The following NFIX variants were observed in gnomAD, a reference collection of about 807,000 sequenced individuals.
NFIX encodes the protein nuclear factor I X.
NFIX carries 2 observed loss-of-function variants against 53.3 expected under a neutral mutation model. The observed-to-expected ratio is 0.04, with a 90% confidence interval of 0.02 to 0.12. NFIX has a LOEUF of 0.12. NFIX is among the 10% of genes least tolerant of loss of function. NFIX has a pLI of 1.00. For synonymous variants in NFIX, 244 were observed against 289.0 expected (o/e 0.84, Z 1.58); for missense variants, 310 against 674.5 (o/e 0.46, Z 5.99).
rs887670343 is a variant in NFIX at position 13,043,838 on chromosome 19, C to T, written c.559+18286C>T. Among the ~76,000 whole-genome samples the T allele has an allele frequency of 2.0e-5, 3 of 152,056 alleles. No homozygotes were observed. Among genetic ancestry groups the T allele is most frequent in the African/African-American group, 7.2e-5 (3 of 41,402 alleles). ...TGCTTATTCATCTCGAAAACTGGGC[C>T]GTAGGGCCAGGTGTGGTGGCTCATA... On this transcript the variant is annotated intron_variant, in intron 2 of 10. Transcript: ENST00000592199. This position sits in a 1 kb window ranked among gnomAD's most constrained non-coding sequence, Gnocchi z 4.0.
At chr19:13,023,578 T>C (rs2013086364) in intron 1 of NFIX, among the ~76,000 whole-genome samples, 1 of 151,724 alleles carries the variant, frequency 6.6e-6, no homozygotes. Context: ...CGTTGTTGGT[T>C]GTGGGGAGAT....
At chr19:13,035,122 G>T (rs1405754496) in intron 2 of NFIX, among the ~76,000 whole-genome samples, 1 of 152,152 alleles carries the variant, frequency 6.6e-6, no homozygotes, top group Admixed American at 6.5e-5. Context: ...AGAACCTCTG[G>T]CCTGGAAGAA....
intron 5 of NFIX, among the ~76,000 whole-genome samples, chr19:13,075,068 T>TAAAAAAAAAAA (rs57860606): frequency 1.2e-4 from 9 of 73,694 alleles, no homozygotes; most frequent in Admixed American, 5.2e-4. Context: ...AGACTCCATC[T>TAAAAAAAAAAA]AAAAAAAAAA....
In NFIX at chr19:13,090,331, C is replaced by G. The variant is rs1226374676; in HGVS notation, c.1435C>G (p.Arg479Gly). The G allele has an allele frequency of 6.2e-7, 1 of 1,613,962 alleles. No homozygotes were observed. Among genetic ancestry groups the G allele is most frequent in the Admixed American group, 1.7e-5 (1 of 60,020 alleles). Residue 479 changes from arginine (R) to glycine (G), a missense_variant, in exon 10 of 11, where the codon CGG becomes GGG. Physicochemically the swap from Arg to Gly is moderately radical, Grantham distance 125 (BLOSUM62 -2). Transcript: ENST00000592199. This position sits in a 1 kb window ranked among gnomAD's most constrained non-coding sequence, Gnocchi z 6.6. ...FATTGASSAN[R>G]FVSIGPRDGN... ...AACGACAGGCGCCTCCTCTGCCAAC[C>G]GGTTTGTCAGCATCGGACCCCGGGA...
In NFIX at chr19:13,028,879, C is replaced by G. The variant is rs2013580018; in HGVS notation, c.559+3327C>G. ...ACTATCTCCAAAGTTTCTGCAGCAC[C>G]CTGAAGGTGAACCAGTGCCTTCAGA... On this transcript the variant is annotated intron_variant, in intron 2 of 10. Transcript: ENST00000592199. The surrounding 1 kb of genome is among the most constrained non-coding windows in gnomAD (Gnocchi z 4.2). 6.6e-6 allele frequency among the ~76,000 whole-genome samples: 1 copy of G among 152,068 alleles called. No individual in the cohort carries two copies. Among genetic ancestry groups the G allele is most frequent in the Non-Finnish European group, 1.5e-5 (1 of 68,008 alleles).
Position 13,072,924 on chromosome 19 carries a change from A to G in NFIX, c.560-123A>G. ...GCTGGTTTGGGGAGAGGGTGGGGTGAAGGTTTCTGTAGCCAGGGTGGGCCG... is the reference window on the plus strand; with the variant it reads ...GCTGGTTTGGGGAGAGGGTGGGGTGGAGGTTTCTGTAGCCAGGGTGGGCCG... On this transcript the variant is annotated intron_variant, in intron 2 of 10. Coordinates refer to ENST00000592199, the MANE Select transcript of NFIX (RefSeq NM_001365902.3). This position sits in a 1 kb window ranked among gnomAD's most constrained non-coding sequence, Gnocchi z 4.0. The G allele has an allele frequency of 1.1e-6, 1 of 925,362 alleles. No homozygotes were observed. Among genetic ancestry groups the G allele is most frequent in the South Asian group, 1.3e-5 (1 of 76,348 alleles). The allele number at this position is 925,362 out of a possible 1,614,324, so 57.3% of individuals were successfully genotyped here.
chr19:13,034,110 T>C (rs2014008950), intron 2 of NFIX, among the ~76,000 whole-genome samples: 1 of 152,220 alleles, frequency 6.6e-6, no homozygotes, highest in Non-Finnish European at 1.5e-5. Context: ...GCATCGCTGC[T>C]CCTTGAACTT....
chr19:13,089,318 G>A lies in NFIX; in HGVS notation c.1403-981G>A, dbSNP rs1248910795. On this transcript the variant is annotated intron_variant, in intron 9 of 10. Coordinates refer to ENST00000592199, the MANE Select transcript of NFIX (RefSeq NM_001365902.3). The surrounding 1 kb of genome is among the most constrained non-coding windows in gnomAD (Gnocchi z 4.8). ...GCGGCGGGCCTTCCAGGTAACCTGT[G>A]ACACTCCTTGCCTCCTCTGGGGGCA... 6.6e-6 allele frequency among the ~76,000 whole-genome samples: 1 copy of A among 152,180 alleles called. No homozygotes were observed. Among genetic ancestry groups the A allele is most frequent in the Non-Finnish European group, 1.5e-5 (1 of 68,024 alleles).
At position 13,052,869 on chromosome 19, in the gene NFIX, A is replaced by G. The variant is rs915490252; in HGVS notation, c.560-20178A>G. Among the ~76,000 whole-genome samples, 12 of 152,124 alleles carry G rather than the reference A, an allele frequency of 7.9e-5. No homozygotes were observed. Among genetic ancestry groups the G allele is most frequent in the Non-Finnish European group, 8.8e-5 (6 of 68,008 alleles). On this transcript the variant is annotated intron_variant, in intron 2 of 10. Coordinates refer to ENST00000592199, the MANE Select transcript of NFIX (RefSeq NM_001365902.3). This position sits in a 1 kb window ranked among gnomAD's most constrained non-coding sequence, Gnocchi z 5.2. Reference sequence around the variant, plus strand: ...TCTGTTCTGCCTGGCACTGCAGCCCAAGTCCCCAGGAGTCTGTGTCTTCCC... The same window carrying G: ...TCTGTTCTGCCTGGCACTGCAGCCCGAGTCCCCAGGAGTCTGTGTCTTCCC...
intron 5 of NFIX, among the ~76,000 whole-genome samples, 153 bp from the exon 6 acceptor site, chr19:13,075,382 G>A (rs371680952): frequency 8.5e-5 from 13 of 152,250 alleles, no homozygotes; most frequent in African/African-American, 3.1e-4. Context: ...CTTGGGGTTG[G>A]GCACGCAGTG....
rs1420367170 is a variant in NFIX, at chr19:13,096,861, G to A, written c.*2212G>A. On this transcript the variant is annotated 3_prime_UTR_variant, in exon 11 of 11. Coordinates refer to ENST00000592199, the MANE Select transcript of NFIX (RefSeq NM_001365902.3). The stretch of plus-strand genomic sequence containing the variant: ...GGAGCGTGCCCGGCGGGGCTGCCCG[G>A]GCGGGCAGGGGGTGGGGGCTGCTCC... 6.6e-6 allele frequency: 1 copy of A among 151,276 alleles called. No individual in the cohort carries two copies. Among genetic ancestry groups the A allele is most frequent in the African/African-American group, 2.4e-5 (1 of 41,250 alleles). 9.4% of individuals were successfully genotyped at this position (151,276 alleles called of 1,614,324 possible).
rs761183873 is a variant in NFIX at position 13,025,224 on chromosome 19, C to T, written c.231C>T (p.Ala77=). The T allele has an allele frequency of 5.6e-6, 9 of 1,614,072 alleles. No individual in the cohort carries two copies. In the Admixed American group the frequency reaches 1.3e-4, roughly 24 times the overall value. ...IKQKWASRLL[A]KLRKDIRPEF... Reference sequence around the variant, plus strand: ...AGAAGTGGGCATCCCGGCTGCTGGCCAAGCTGCGCAAGGACATCCGGCCCG... The same window carrying T: ...AGAAGTGGGCATCCCGGCTGCTGGCTAAGCTGCGCAAGGACATCCGGCCCG... Residue 77 remains alanine, a synonymous_variant, in exon 2 of 11, where the codon GCC becomes GCT. Coordinates refer to ENST00000592199, the MANE Select transcript of NFIX (RefSeq NM_001365902.3). This position sits in a 1 kb window ranked among gnomAD's most constrained non-coding sequence, Gnocchi z 7.5.
chr19:13,064,418 G>A (rs2016277124), intron 2 of NFIX, among the ~76,000 whole-genome samples: 1 of 152,210 alleles, frequency 6.6e-6, no homozygotes, highest in African/African-American at 2.4e-5. Flanking sequence ...CAGAGTCTAG[G>A]GGGACAAGCT....
intron 8 of NFIX, chr19:13,082,518 G>C (rs1443961657): frequency 6.6e-6 from 1 of 152,272 alleles, no homozygotes; most frequent in Non-Finnish European, 1.5e-5. Context: ...TTTAACAAAG[G>C]GTTCCCAGGA....
At position 13,094,687 on chromosome 19, in the gene NFIX, G is replaced by A; in HGVS notation, c.*38G>A. The A allele has an allele frequency of 6.5e-7, 1 of 1,533,362 alleles. No individual in the cohort carries two copies. Among genetic ancestry groups the A allele is most frequent in the Non-Finnish European group, 8.7e-7 (1 of 1,144,410 alleles). The allele number at this position is 1,533,362 out of a possible 1,614,324, so 95.0% of individuals were successfully genotyped here. A position where few individuals can be genotyped will look rare whatever the true frequency, so the allele number is the denominator to read the frequency against. On this transcript the variant is annotated 3_prime_UTR_variant, in exon 11 of 11. Coordinates refer to ENST00000592199, the MANE Select transcript of NFIX (RefSeq NM_001365902.3). The surrounding 1 kb of genome is among the most constrained non-coding windows in gnomAD (Gnocchi z 4.3). ...AAGAAACAACAAAATGAGAAGAAGA[G>A]GTTCCTCGAAAGGGGGGAGAAGAAA... is the stretch of plus-strand genomic sequence containing the variant.
intron 5 of NFIX, among the ~76,000 whole-genome samples, chr19:13,074,616 T>G (rs1599846066): frequency 3.1e-5 from 4 of 130,666 alleles, no homozygotes; most frequent in African/African-American, 5.9e-5. Context: ...GCCTGGAGGG[T>G]GGGGTGGATG....
chr19:13,008,936 C>T (rs2012171893), intron 1 of NFIX, among the ~76,000 whole-genome samples: 1 of 152,230 alleles, frequency 6.6e-6, no homozygotes, highest in African/African-American at 2.4e-5. Flanking sequence ...TGAGTTCCTC[C>T]TGCAGTTCCA....
chr19:13,050,010 G>C (rs924664764), intron 2 of NFIX, among the ~76,000 whole-genome samples: 1 of 152,232 alleles, frequency 6.6e-6, no homozygotes, highest in Non-Finnish European at 1.5e-5. Flanking sequence ...TAATGTTGCA[G>C]TAAACATGCA....
Position 13,006,973 on chromosome 19 carries a change from G to T in NFIX, c.27+11109G>T, listed in dbSNP as rs2012052000. ...GTGGGGAAGTGCTGGGCGCCTCCAG[G>T]CCCCTGCTTGTCCCGTGCCACCTGG... On this transcript the variant is annotated intron_variant, in intron 1 of 10. Transcript: ENST00000592199. The surrounding 1 kb of genome is among the most constrained non-coding windows in gnomAD (Gnocchi z 5.6). Among the ~76,000 whole-genome samples, 1 of 152,188 alleles carries T rather than the reference G, an allele frequency of 6.6e-6. No individual in the cohort carries two copies. The highest frequency in any genetic ancestry group is 2.4e-5 in the African/African-American group (1 of 41,464).
Sources: allele counts gnomAD v4.1 joint callset (sites outside exome capture counted in the v4.1 genomes callset), GRCh38; gene constraint gnomAD v4.1.1; non-coding constraint Gnocchi (gnomAD v3.1); transcripts MANE v1.5; gene names NCBI Gene and HGNC (gene_info 2026-07-23, HGNC 2026-07-21).